The following ZNF43 variants were observed in gnomAD, a reference collection of about 807,000 sequenced individuals.
ZNF43 encodes the protein zinc finger protein 39-like 1 (KOX 27).
In ZNF43, 44 loss-of-function variants were observed where a neutral mutation model predicts 68.4. That is an observed-to-expected ratio of 0.64 (90% CI 0.51 to 0.83). ZNF43 has a LOEUF of 0.83. ZNF43 is among the 40% of genes least tolerant of loss of function. ZNF43 has a pLI of 0.00. For missense variants in ZNF43, 896 were observed against 933.2 expected, an observed-to-expected ratio of 0.96 and a Z score of 0.52; for synonymous variants, 308 against 307.8, an observed-to-expected ratio of 1.00 and a Z score of -0.01.
intron 2 of ZNF43, 120 bp from the exon 3 acceptor site, chr19:21,818,106 A>T (rs899204811): frequency 6.2e-5 from 54 of 866,074 alleles, no homozygotes; most frequent in South Asian, 1.3e-4. Flanking sequence ...CAAAATACTA[A>T]TTTTTTTTTT....
At chr19:21,840,235 GTC>G (rs1280931923), upstream of ZNF43, 2 of 152,196 alleles carry the variant, frequency 1.3e-5, no homozygotes, top group Non-Finnish European at 2.9e-5. Context: ...AAAGTACAGA[GTC>G]ACACCACCTA....
intron 1 of ZNF43, among the ~76,000 whole-genome samples, chr19:21,823,702 G>T (rs1468509743): frequency 6.6e-6 from 1 of 151,578 alleles, no homozygotes; most frequent in African/African-American, 2.4e-5. Flanking sequence ...CAAGTAGCTG[G>T]GATTACAGGC....
intron 1 of ZNF43, among the ~76,000 whole-genome samples, chr19:21,824,268 A>G (rs1413269118): frequency 1.3e-5 from 2 of 152,134 alleles, no homozygotes; most frequent in Admixed American, 6.5e-5. Context: ...GTAAGAAAAA[A>G]AGACAAAAAT....
upstream of ZNF43, chr19:21,840,058 T>G (rs1312674757): frequency 6.6e-6 from 1 of 152,224 alleles, no homozygotes; most frequent in African/African-American, 2.4e-5. Context: ...TAGATTATAA[T>G]GCTTCCTGCA....
At chr19:21,811,347 C>A (rs893785405) in intron 3 of ZNF43, among the ~76,000 whole-genome samples, 1 of 151,916 alleles carries the variant, frequency 6.6e-6, no homozygotes, top group Non-Finnish European at 1.5e-5. Flanking sequence ...CCAGCCTGGG[C>A]AACATGGTGA....
At chr19:21,846,480 A>G (rs1163810522) in intron 1 of ZNF43, among the ~76,000 whole-genome samples, 2 of 152,222 alleles carry the variant, frequency 1.3e-5, no homozygotes, top group Non-Finnish European at 2.9e-5. Flanking sequence ...ATAAAAGAGG[A>G]GAGTCAAATA....
chr19:21,809,898 A>G, intron 3 of ZNF43, 91 bp from the exon 4 acceptor site: 2 of 1,253,796 alleles, frequency 1.6e-6, no homozygotes, highest in Non-Finnish European at 2.1e-6. Context: ...CAAGCTACAT[A>G]AGCAAGATGT....
intron 2 of ZNF43, among the ~76,000 whole-genome samples, chr19:21,818,371 G>C (rs374556006): frequency 6.6e-6 from 1 of 151,908 alleles, no homozygotes; most frequent in African/African-American, 2.4e-5. Flanking sequence ...AAAGTGCTGG[G>C]ATTACAGGCA....
chr19:21,815,981 A>C (rs1376871352), intron 3 of ZNF43, among the ~76,000 whole-genome samples: 2 of 151,996 alleles, frequency 1.3e-5, no homozygotes, highest in Non-Finnish European at 2.9e-5. Flanking sequence ...GAATCAGTTG[A>C]AACTGGGAAG....
At chr19:21,828,481 G>A (rs1442999825) in intron 1 of ZNF43, among the ~76,000 whole-genome samples, 1 of 152,088 alleles carries the variant, frequency 6.6e-6, no homozygotes, top group Admixed American at 6.5e-5. Flanking sequence ...TTGGGAAGCT[G>A]AGGCGGGTGG....
intron 3 of ZNF43, among the ~76,000 whole-genome samples, chr19:21,817,068 C>G (rs1599468153): frequency 2.0e-5 from 3 of 152,088 alleles, no homozygotes; most frequent in Admixed American, 1.3e-4. Context: ...ATGGCGAAAC[C>G]CTGTCTCTAC....
intron 1 of ZNF43, among the ~76,000 whole-genome samples, chr19:21,832,145 T>A (rs1040715360): frequency 4.6e-5 from 7 of 152,186 alleles, no homozygotes; most frequent in African/African-American, 1.7e-4. Flanking sequence ...ACCACAGGGC[T>A]ACAGTAACCA....
chr19:21,818,009 A>G, intron 2 of ZNF43, 23 bp from the exon 3 acceptor site: 1 of 1,597,370 alleles, frequency 6.3e-7, no homozygotes, highest in Non-Finnish European at 8.6e-7. Flanking sequence ...AAAATAAATT[A>G]CGTGAATCTT....
intron 1 of ZNF43, among the ~76,000 whole-genome samples, chr19:21,835,374 T>TC (rs1313113512): frequency 3.5e-5 from 5 of 143,326 alleles, no homozygotes; most frequent in Admixed American, 1.4e-4. Context: ...TTTTTTTTTT[T>TC]CCAGAGGGAG....
intron 1 of ZNF43, among the ~76,000 whole-genome samples, chr19:21,842,363 C>G (rs1268490989): frequency 6.7e-6 from 1 of 148,640 alleles, no homozygotes; most frequent in Non-Finnish European, 1.5e-5. Context: ...GAGCTGAGAT[C>G]GTGCCACTGC....
At chr19:21,841,227 C>T (rs528330665) in intron 1 of ZNF43, 9 of 152,322 alleles carry the variant, frequency 5.9e-5, no homozygotes, top group African/African-American at 2.2e-4. Context: ...GTATCATCAT[C>T]GCAACTGTGA....
At chr19:21,810,349 C>A (rs981888411) in intron 3 of ZNF43, among the ~76,000 whole-genome samples, 3 of 152,146 alleles carry the variant, frequency 2.0e-5, no homozygotes, top group South Asian at 2.1e-4. Flanking sequence ...GAGCCAGGTT[C>A]TTTTAATGAA....
chr19:21,820,245 T>TTAATATATACATATATAC (rs2037748479), intron 1 of ZNF43, among the ~76,000 whole-genome samples: 1 of 146,684 alleles, frequency 6.8e-6, no homozygotes, highest in African/African-American at 2.5e-5. Flanking sequence ...TACATATATA[T>TTAATATATACATATATAC]TAATATATTT....
At position 21,807,429 on chromosome 19, in the gene ZNF43, C is replaced by T; in HGVS notation, c.*178G>A. 3.5e-6 allele frequency: 2 copies of T among 574,078 alleles called. No individual in the cohort carries two copies. The highest frequency in any genetic ancestry group is 5.7e-6 in the Non-Finnish European group (2 of 352,134). The allele number at this position is 574,078 out of a possible 1,614,324, so 35.6% of individuals were successfully genotyped here. ...CATTCTTTGTGTATATACCTTTTTCCAAGTAAAAATTCTTTCCTGTGCAAT... is the reference window on the plus strand; with the variant it reads ...CATTCTTTGTGTATATACCTTTTTCTAAGTAAAAATTCTTTCCTGTGCAAT... On this transcript the variant is annotated 3_prime_UTR_variant, in exon 4 of 4. Transcript: ENST00000354959.
Sources: allele counts gnomAD v4.1 joint callset (sites outside exome capture counted in the v4.1 genomes callset), GRCh38; gene constraint gnomAD v4.1.1; transcripts MANE v1.5; gene names NCBI Gene and HGNC (gene_info 2026-07-23, HGNC 2026-07-21).